The following PACRG variants were observed in gnomAD, a reference collection of about 807,000 sequenced individuals.
The protein encoded by PACRG is parkin coregulated.
Under a neutral mutation model 29.7 loss-of-function variants are expected in PACRG, and 29 were observed. The ratio of observed to expected loss-of-function variants is 0.98; its 90% CI spans 0.73 to 1.33. The LOEUF (loss-of-function observed/expected upper bound fraction) is 1.33. Ranked by LOEUF, PACRG falls within the 40% of genes most tolerant of loss-of-function variation. The pLI is 0.00. For missense variants in PACRG, 279 were observed against 316.2 expected, an observed-to-expected ratio of 0.88 and a Z score of 0.89; for synonymous variants, 116 against 118.7, an observed-to-expected ratio of 0.98 and a Z score of 0.15.
intron 2 of PACRG, among the ~76,000 whole-genome samples, chr6:162,967,756 C>G (rs1047727101): frequency 3.9e-5 from 6 of 152,134 alleles, no homozygotes; most frequent in Non-Finnish European, 7.3e-5. Flanking sequence ...ATCCGCCCAT[C>G]TTGGCCTCCC....
At chr6:163,286,482 A>G (rs1784404544) in intron 4 of PACRG, among the ~76,000 whole-genome samples, 1 of 152,230 alleles carries the variant, frequency 6.6e-6, no homozygotes, top group Non-Finnish European at 1.5e-5. Context: ...AGACCATACT[A>G]CTATTCTCAA....
At chr6:163,139,725 C>T (rs1817078387) in intron 4 of PACRG, among the ~76,000 whole-genome samples, 1 of 149,866 alleles carries the variant, frequency 6.7e-6, no homozygotes, top group African/African-American at 2.5e-5. Flanking sequence ...AAGTAATTGC[C>T]GTTAAAAGTA....
chr6:163,207,570 C>T (rs1780959403), intron 4 of PACRG, among the ~76,000 whole-genome samples: 1 of 152,154 alleles, frequency 6.6e-6, no homozygotes, highest in South Asian at 2.1e-4. Context: ...CACTCACACC[C>T]AGTTGTGTTT....
intron 4 of PACRG, chr6:163,182,943 C>G (rs376587043): frequency 6.6e-6 from 1 of 152,150 alleles, no homozygotes; most frequent in East Asian, 1.9e-4. Context: ...TCTGCGGGTC[C>G]TTAGCAGTTA....
intron 1 of PACRG, among the ~76,000 whole-genome samples, chr6:162,765,929 T>C (rs1433889109): frequency 1.3e-5 from 2 of 152,192 alleles, no homozygotes; most frequent in Non-Finnish European, 2.9e-5. Flanking sequence ...TAAGAAGTTT[T>C]ATTTTATTTT....
chr6:163,106,221 G>A (rs1815374041), intron 4 of PACRG, among the ~76,000 whole-genome samples: 1 of 152,174 alleles, frequency 6.6e-6, no homozygotes, highest in Non-Finnish European at 1.5e-5. Flanking sequence ...TGGAAAGAGA[G>A]ATAAAAAGTG....
At chr6:162,787,857 A>G (rs1239156985) in intron 1 of PACRG, among the ~76,000 whole-genome samples, 1 of 151,464 alleles carries the variant, frequency 6.6e-6, no homozygotes, top group Admixed American at 6.6e-5. Flanking sequence ...AGCTAGTCCA[A>G]TGCCAGTGTT....
At chr6:162,971,833 T>C (rs1801555206) in intron 2 of PACRG, among the ~76,000 whole-genome samples, 1 of 152,184 alleles carries the variant, frequency 6.6e-6, no homozygotes, top group African/African-American at 2.4e-5. Context: ...AGGCAGCTCT[T>C]CCTTTCCCTG....
Position 163,155,341 on chromosome 6 carries a change from G to A in PACRG, c.613+65933G>A, listed in dbSNP as rs142269385. ...GCTGGGAGGGTCATTCCAACTCAAG[G>A]GATCAGGGAACACTTCCAGAGGGAG... On this transcript the variant is annotated intron_variant, in intron 4 of 4. Coordinates refer to ENST00000366888, the MANE Select transcript of PACRG (RefSeq NM_001080379.2). 5.1e-3 allele frequency among the ~76,000 whole-genome samples: 772 copies of A among 152,336 alleles called. 12 individuals are homozygous for A. The highest frequency in any genetic ancestry group is 0.018 in the African/African-American group (736 of 41,584).
At chr6:162,993,650 G>A (rs1803672682) in intron 2 of PACRG, among the ~76,000 whole-genome samples, 1 of 31,390 alleles carries the variant, frequency 3.2e-5, no homozygotes, top group African/African-American at 1.6e-4. Context: ...CACGTGAGAT[G>A]GGTTTCCTGA....
intron 4 of PACRG, among the ~76,000 whole-genome samples, chr6:163,239,852 T>A (rs112577766): frequency 0.11 from 8,859 of 80,820 alleles, 757 homozygotes; most frequent in African/African-American, 0.27. Context: ...ACACACACAC[T>A]CTCACACTCC....
At chr6:163,115,760 G>T (rs773665328) in intron 4 of PACRG, among the ~76,000 whole-genome samples, 2 of 152,070 alleles carry the variant, frequency 1.3e-5, no homozygotes, top group East Asian at 3.9e-4. Flanking sequence ...CACCTTCCAC[G>T]CTACTCTTGG....
chr6:162,911,964 G>T (rs1796331852), intron 2 of PACRG, among the ~76,000 whole-genome samples: 1 of 152,188 alleles, frequency 6.6e-6, no homozygotes, highest in African/African-American at 2.4e-5. Context: ...CCTCTTTCCA[G>T]TCTCTCCTCT....
At chr6:162,837,259 A>G (rs1179643954) in intron 2 of PACRG, among the ~76,000 whole-genome samples, 1 of 152,170 alleles carries the variant, frequency 6.6e-6, no homozygotes, top group Non-Finnish European at 1.5e-5. Context: ...TTGTGAATCA[A>G]GTATTTTATT....
At chr6:163,066,664 G>A (rs1811573439) in intron 3 of PACRG, among the ~76,000 whole-genome samples, 1 of 152,120 alleles carries the variant, frequency 6.6e-6, no homozygotes, top group African/African-American at 2.4e-5. Flanking sequence ...TAGACAGCAA[G>A]GAAGGGCTAA....
intron 4 of PACRG, among the ~76,000 whole-genome samples, chr6:163,123,780 A>T (rs1287842804): frequency 6.6e-6 from 1 of 152,214 alleles, no homozygotes; most frequent in Non-Finnish European, 1.5e-5. Flanking sequence ...TATTTCACCT[A>T]GCATAATGTC....
chr6:163,269,881 GAAAGAAAGAAAAC>G lies in PACRG; in HGVS notation c.614-44934_614-44922del, dbSNP rs1374421089. 6.5e-4 allele frequency among the ~76,000 whole-genome samples: 23 copies of G among 35,462 alleles called. 1 individual carries two copies. Among genetic ancestry groups the G allele is most frequent in the South Asian group, 4.1e-3 (5 of 1,214 alleles). The allele number at this position is 35,462 out of a possible 152,430, so 23.3% of individuals were successfully genotyped here. The stretch of plus-strand genomic sequence containing the variant: ...AGAGAAAGAAAGAGAAAGAAAGAAA[GAAAGAAAGAAAAC>G]AAAGAAAGAAAGAAAGAAAGAAAGA... On this transcript the variant is annotated intron_variant, in intron 4 of 4. Coordinates refer to ENST00000366888, the MANE Select transcript of PACRG (RefSeq NM_001080379.2).
chr6:162,871,790 C>T (rs1351010768), intron 2 of PACRG, among the ~76,000 whole-genome samples: 1 of 151,760 alleles, frequency 6.6e-6, no homozygotes, highest in South Asian at 2.1e-4. Context: ...TGGTAGCAGG[C>T]GCCTGTAGTC....
intron 2 of PACRG, among the ~76,000 whole-genome samples, chr6:162,968,633 G>A (rs891279144): frequency 1.3e-5 from 2 of 152,136 alleles, no homozygotes; most frequent in South Asian, 4.1e-4. Flanking sequence ...TAGTAATGAA[G>A]GAACCATGTA....
Sources: allele counts gnomAD v4.1 joint callset (sites outside exome capture counted in the v4.1 genomes callset), GRCh38; gene constraint gnomAD v4.1.1; transcripts MANE v1.5; gene names NCBI Gene and HGNC (gene_info 2026-07-23, HGNC 2026-07-21).